EDIL3: variants seen among roughly 807,000 people sequenced by gnomAD.
The protein encoded by EDIL3 is EGF like and discoidin domains 3.
In EDIL3, 37 loss-of-function variants were observed where a neutral mutation model predicts 67.4. The ratio of observed to expected loss-of-function variants is 0.55; its 90% CI spans 0.42 to 0.72. The LOEUF is 0.72. Ranked by LOEUF, EDIL3 falls within the 30% of genes least tolerant of loss-of-function variation. The pLI, the probability that EDIL3 is intolerant of heterozygous loss-of-function variation, is 0.00. For synonymous variants in EDIL3, 195 were observed against 196.3 expected, an observed-to-expected ratio of 0.99 and a Z score of 0.05; for missense variants, 527 against 586.3, an observed-to-expected ratio of 0.90 and a Z score of 1.04.
At chr5:84,218,493 C>T (rs1225955344) in intron 3 of EDIL3, among the ~76,000 whole-genome samples, 2 of 152,196 alleles carry the variant, frequency 1.3e-5, no homozygotes, top group African/African-American at 4.8e-5. Flanking sequence ...ATTGTCCTCC[C>T]TGCAAGAACA....
intron 9 of EDIL3, among the ~76,000 whole-genome samples, chr5:84,020,652 G>T (rs1354123512): frequency 1.3e-5 from 2 of 151,810 alleles, no homozygotes; most frequent in Non-Finnish European, 2.9e-5. Flanking sequence ...TTGGTATTGA[G>T]ATCTATTTTA....
intron 5 of EDIL3, among the ~76,000 whole-genome samples, chr5:84,119,838 C>A (rs1747739025): frequency 6.6e-6 from 1 of 151,986 alleles, no homozygotes; most frequent in Non-Finnish European, 1.5e-5. Context: ...AGTAACAAAC[C>A]ATTTCCCCCC....
chr5:84,317,364 C>A (rs1332501273), intron 1 of EDIL3, among the ~76,000 whole-genome samples: 2 of 151,572 alleles, frequency 1.3e-5, no homozygotes, highest in Non-Finnish European at 2.9e-5. Context: ...AGACTGCTAG[C>A]AAGACTAATA....
intron 1 of EDIL3, among the ~76,000 whole-genome samples, chr5:84,256,495 C>A (rs900752585): frequency 1.3e-5 from 2 of 152,102 alleles, no homozygotes; most frequent in Non-Finnish European, 2.9e-5. Flanking sequence ...AAGGGAATAA[C>A]ACACTTAAAG....
chr5:84,123,826 G>A (rs1264559775), intron 5 of EDIL3, among the ~76,000 whole-genome samples: 1 of 151,788 alleles, frequency 6.6e-6, no homozygotes, highest in Non-Finnish European at 1.5e-5. Flanking sequence ...AAGCAGTGGA[G>A]GTGTGACTAG....
chr5:84,154,168 C>T (rs933587701), intron 4 of EDIL3, among the ~76,000 whole-genome samples: 2 of 152,114 alleles, frequency 1.3e-5, no homozygotes, highest in African/African-American at 4.8e-5. Context: ...ATTGTCATTT[C>T]GTGTCAATGG....
intron 1 of EDIL3, among the ~76,000 whole-genome samples, chr5:84,330,108 G>T (rs139370449): frequency 0.014 from 2,110 of 152,136 alleles, 57 homozygotes; most frequent in African/African-American, 0.049. Context: ...TATTAAGTTC[G>T]AATATAACCC....
rs138567068 is a variant in EDIL3, at chr5:84,239,830, C to T, written c.197-9946G>A. Among the ~76,000 whole-genome samples the T allele has an allele frequency of 7.5e-3, 1,144 of 152,246 alleles. 13 individuals are homozygous for T. The highest frequency in any genetic ancestry group is 0.026 in the African/African-American group (1,079 of 41,542). On this transcript the variant is annotated intron_variant, in intron 2 of 10. Coordinates refer to ENST00000296591, the MANE Select transcript of EDIL3 (RefSeq NM_005711.5). ...CAAAGAATCTAGTTTGCATATATTT[C>T]ACATGTAGTTGATTAAAGTCCACAG...
chr5:84,167,062 T>G (rs1245838539), intron 4 of EDIL3, among the ~76,000 whole-genome samples: 1 of 152,134 alleles, frequency 6.6e-6, no homozygotes, highest in Non-Finnish European at 1.5e-5. Context: ...ATGGGAGATT[T>G]TAAACACAGA....
chr5:84,340,970 A>T (rs755065041), intron 1 of EDIL3, among the ~76,000 whole-genome samples: 3 of 151,812 alleles, frequency 2.0e-5, no homozygotes, highest in Non-Finnish European at 4.4e-5. Flanking sequence ...TGTTAAGTGA[A>T]CTCTTTTACC....
chr5:84,367,465 C>A (rs917016205), intron 1 of EDIL3, among the ~76,000 whole-genome samples: 8 of 152,088 alleles, frequency 5.3e-5, no homozygotes, highest in Non-Finnish European at 1.2e-4. Context: ...AGCAATGAGA[C>A]TGAATCTCAG....
intron 3 of EDIL3, among the ~76,000 whole-genome samples, chr5:84,182,475 AAAAC>A (rs1317398230): frequency 1.3e-5 from 2 of 151,970 alleles, no homozygotes; most frequent in South Asian, 4.2e-4. Flanking sequence ...AACTTTAAAA[AAAAC>A]AAACAAACAA....
At chr5:84,381,465 T>C (rs981136546) in intron 1 of EDIL3, among the ~76,000 whole-genome samples, 1 of 152,194 alleles carries the variant, frequency 6.6e-6, no homozygotes, top group Non-Finnish European at 1.5e-5. Flanking sequence ...AATAATAATA[T>C]AATAAGATAA....
intron 6 of EDIL3, among the ~76,000 whole-genome samples, chr5:84,106,098 C>G (rs1203967416): frequency 2.0e-5 from 3 of 152,056 alleles, no homozygotes; most frequent in Non-Finnish European, 4.4e-5. Flanking sequence ...CCTTGCTACC[C>G]CCTCTGGGAA....
intron 9 of EDIL3, among the ~76,000 whole-genome samples, chr5:84,033,591 C>CT (rs376323745): frequency 2.8e-4 from 42 of 151,166 alleles, no homozygotes; most frequent in African/African-American, 9.7e-4. Context: ...GTAGTCCCAG[C>CT]TACTTGTGAG....
chr5:83,963,042 AC>A (rs1052791692), intron 10 of EDIL3, among the ~76,000 whole-genome samples, 162 bp downstream of exon 10: 4 of 151,608 alleles, frequency 2.6e-5, no homozygotes, highest in African/African-American at 4.8e-5. Context: ...CCAGACTGCA[AC>A]CCCTTTACAG....
At chr5:84,209,451 AAAAG>A (rs1388097951) in intron 3 of EDIL3, among the ~76,000 whole-genome samples, 3 of 152,172 alleles carry the variant, frequency 2.0e-5, no homozygotes, top group Non-Finnish European at 4.4e-5. Context: ...GATAACTAAA[AAAAG>A]AAAGAATGAA....
At chr5:84,308,046 A>T (rs1746308848) in intron 1 of EDIL3, among the ~76,000 whole-genome samples, 1 of 152,176 alleles carries the variant, frequency 6.6e-6, no homozygotes, top group African/African-American at 2.4e-5. Context: ...GCCCAACAGT[A>T]TAAAGAAAAT....
rs548135167 is a variant in EDIL3, at chr5:84,266,740, C to G, written c.68-12528G>C. 9.2e-5 allele frequency among the ~76,000 whole-genome samples: 14 copies of G among 152,250 alleles called. No homozygotes were observed. The South Asian group carries it at 2.9e-3, about 32-fold the overall frequency. Reference sequence around the variant, plus strand: ...CCTATTACTTATAACTAGCCTTAGGCCTAAAATCACACAAACTGTTCCTGA... The same window carrying G: ...CCTATTACTTATAACTAGCCTTAGGGCTAAAATCACACAAACTGTTCCTGA... On this transcript the variant is annotated intron_variant, in intron 1 of 10. Coordinates refer to ENST00000296591, the MANE Select transcript of EDIL3 (RefSeq NM_005711.5).
Sources: allele counts gnomAD v4.1 joint callset (sites outside exome capture counted in the v4.1 genomes callset), GRCh38; gene constraint gnomAD v4.1.1; transcripts MANE v1.5; gene names NCBI Gene and HGNC (gene_info 2026-07-23, HGNC 2026-07-21).